The following NIPBL variants were observed in gnomAD, a reference collection of about 807,000 sequenced individuals.
The protein encoded by NIPBL is NIPBL cohesin loading factor.
Under a neutral mutation model 321.8 loss-of-function variants are expected in NIPBL, and 19 were observed. The ratio of observed to expected loss-of-function variants is 0.06; its 90% CI spans 0.04 to 0.09. The LOEUF (loss-of-function observed/expected upper bound fraction) is 0.09. NIPBL is among the 10% of genes least tolerant of loss of function. The probability of loss-of-function intolerance (pLI) is 1.00; values close to 1 mark genes in which losing one functional copy is unlikely to be tolerated. For missense variants in NIPBL, 2,210 were observed against 3,327.0 expected (o/e 0.66, Z 8.26); for synonymous variants, 1,106 against 1,114.1 (o/e 0.99, Z 0.14).
chr5:36,970,105 C>A (rs1056765121), intron 6 of NIPBL, among the ~76,000 whole-genome samples: 1 of 152,020 alleles, frequency 6.6e-6, no homozygotes, highest in African/African-American at 2.4e-5. Context: ...TGAATTTACA[C>A]CAGGCACAGT....
intron 1 of NIPBL, among the ~76,000 whole-genome samples, chr5:36,946,118 CA>C (rs1283830067): frequency 1.3e-5 from 2 of 151,914 alleles, no homozygotes; most frequent in South Asian, 2.1e-4. Context: ...GAAGGCTGAG[CA>C]AAGGGCAAGG....
intron 40 of NIPBL, chr5:37,051,405 G>T: frequency 9.4e-6 from 2 of 211,726 alleles, no homozygotes; most frequent in Non-Finnish European, 1.9e-5. Context: ...ATTACTGTTT[G>T]CCCTATATTA....
Position 37,052,236 on chromosome 5 carries a change from A to G in NIPBL, c.7063-130A>G, listed in dbSNP as rs530846371. 2.2e-5 allele frequency: 16 copies of G among 744,044 alleles called. No individual in the cohort carries two copies. The East Asian group carries it at 3.7e-4, about 17-fold the overall frequency. The allele number at this position is 744,044 out of a possible 1,614,324, so 46.1% of individuals were successfully genotyped here. A position where few individuals can be genotyped will look rare whatever the true frequency, so the allele number is the denominator to read the frequency against. ...TCTCTAATGTTCCTTCTAGCACTTC[A>G]TTCTGTGATTCGTATTATTTTAATT... On this transcript the variant is annotated intron_variant, in intron 41 of 46. Coordinates refer to ENST00000282516, the MANE Select transcript of NIPBL (RefSeq NM_133433.4).
chr5:36,961,515 G>C lies in NIPBL; in HGVS notation c.390G>C (p.Gln130His). ...TGATGTCTCAGTATAAACTTTCTCA[G>C]AATTCCATGCACAGTAGTCCTGCAT... ...GMMMSQYKLSQNSMHSSPASS... is the reference protein window; with the variant it reads ...GMMMSQYKLSHNSMHSSPASS... The change falls in exon 5 of 47, where the codon CAG becomes CAC. Residue 130 changes from glutamine to histidine, a missense_variant. Physicochemically the swap from Gln to His is conservative, Grantham distance 24. Transcript: ENST00000282516. 1 of 1,611,980 alleles carries C rather than the reference G, an allele frequency of 6.2e-7. No individual in the cohort carries two copies. The highest frequency in any genetic ancestry group is 8.5e-7 in the Non-Finnish European group (1 of 1,178,230).
At chr5:37,035,696 A>T (rs914189445) in intron 32 of NIPBL, among the ~76,000 whole-genome samples, 4 of 152,370 alleles carry the variant, frequency 2.6e-5, no homozygotes, top group African/African-American at 9.6e-5. Flanking sequence ...AGTTATATTT[A>T]ACAGCAGTGG....
intron 1 of NIPBL, among the ~76,000 whole-genome samples, chr5:36,927,795 G>C (rs1214556239): frequency 6.6e-6 from 1 of 152,100 alleles, no homozygotes; most frequent in Non-Finnish European, 1.5e-5. Flanking sequence ...AGAGGTCCAG[G>C]CTGGAGTCTT....
At chr5:37,035,557 A>G (rs1158173781) in intron 32 of NIPBL, among the ~76,000 whole-genome samples, 1 of 152,094 alleles carries the variant, frequency 6.6e-6, no homozygotes, top group Non-Finnish European at 1.5e-5. Context: ...CTTAATTTCA[A>G]TTTTTATTTT....
intron 8 of NIPBL, 60 bp from the exon 9 acceptor site, chr5:36,975,716 C>T: frequency 6.7e-7 from 1 of 1,492,406 alleles, no homozygotes; most frequent in Non-Finnish European, 9.3e-7. Flanking sequence ...ATATTTCTAT[C>T]ACATTGTAAG....
rs1221550988 is a variant in NIPBL at position 37,020,503 on chromosome 5, T to G, written c.5055T>G (p.Thr1685=). Residue 1685 remains threonine, a synonymous_variant, in exon 26 of 47, where the codon ACT becomes ACG. Transcript: ENST00000282516. The part of the protein sequence containing the change: ...FYIAQWFRDT[T]LETEKAMKSQ... ...TAGCCCAGTGGTTTCGAGACACAAC[T>G]CTGGAAACAGAAAAAGCAATGAAAT... 6.2e-7 allele frequency: 1 copy of G among 1,613,828 alleles called. No individual in the cohort carries two copies. Among genetic ancestry groups the G allele is most frequent in the Non-Finnish European group, 8.5e-7 (1 of 1,179,908 alleles).
At chr5:36,949,482 T>A (rs543566454) in intron 1 of NIPBL, among the ~76,000 whole-genome samples, 27 of 151,978 alleles carry the variant, frequency 1.8e-4, no homozygotes, top group African/African-American at 6.5e-4. Flanking sequence ...TATTAGCACC[T>A]CAGGTTCATA....
chr5:36,946,578 G>GTGTGTGTA (rs1554009094), intron 1 of NIPBL, among the ~76,000 whole-genome samples: 4 of 151,054 alleles, frequency 2.6e-5, no homozygotes, highest in Non-Finnish European at 5.9e-5. Flanking sequence ...ATGTGTCTGT[G>GTGTGTGTA]TGTGTGTATA....
At chr5:36,907,366 A>G (rs962604096) in intron 1 of NIPBL, among the ~76,000 whole-genome samples, 1 of 152,192 alleles carries the variant, frequency 6.6e-6, no homozygotes, top group African/African-American at 2.4e-5. Flanking sequence ...CCCCTGCAAG[A>G]CTGTAATACA....
At chr5:37,036,351 A>G (rs756531193) in intron 32 of NIPBL, 28 bp from the exon 33 acceptor site, 234 of 346,396 alleles carry the variant, frequency 6.8e-4, no homozygotes, top group East Asian at 1.6e-3. Context: ...ATATATGTAT[A>G]TATATATATA....
intron 1 of NIPBL, among the ~76,000 whole-genome samples, chr5:36,916,052 T>C (rs1345417967): frequency 6.6e-6 from 1 of 152,222 alleles, no homozygotes; most frequent in African/African-American, 2.4e-5. Flanking sequence ...AAATGAACTG[T>C]CTTTGTCATT....
intron 4 of NIPBL, among the ~76,000 whole-genome samples, chr5:36,960,148 G>A (rs554632711): frequency 2.0e-4 from 30 of 152,226 alleles, no homozygotes; most frequent in South Asian, 8.3e-4. Flanking sequence ...AGTCATGCAT[G>A]TGGAGAAAAT....
In NIPBL at chr5:36,890,652, G is replaced by A. The variant is rs192979897; in HGVS notation, c.-80+13474G>A. Reference sequence around the variant, plus strand: ...ACTGCTATTAGCCAAGTGGCATTTAGGCCAATTCTTAACCCAAGCCCATGT... The same window carrying A: ...ACTGCTATTAGCCAAGTGGCATTTAAGCCAATTCTTAACCCAAGCCCATGT... On this transcript the variant is annotated intron_variant, in intron 1 of 46. Coordinates refer to ENST00000282516, the MANE Select transcript of NIPBL (RefSeq NM_133433.4). 3.3e-5 allele frequency among the ~76,000 whole-genome samples: 5 copies of A among 152,286 alleles called. No individual in the cohort carries two copies. The East Asian group carries it at 9.6e-4, about 29-fold the overall frequency.
rs191922218 is a variant in NIPBL at position 37,059,282 on chromosome 5, A to C, written c.7685+117A>C. On this transcript the variant is annotated intron_variant, in intron 44 of 46. Coordinates refer to ENST00000282516, the MANE Select transcript of NIPBL (RefSeq NM_133433.4). ...AACATTTTGGGAGGCTGAGGCGGGC[A>C]GATCCCCTGAGGTCAGGAGTTCGAG... 3.4e-3 allele frequency: 3,559 copies of C among 1,040,480 alleles called. 93 individuals carry two copies. In the African/African-American group the frequency reaches 0.051, roughly 15 times the overall value. 64.5% of individuals were successfully genotyped at this position (1,040,480 alleles called of 1,614,324 possible).
chr5:37,020,934 T>A, intron 27 of NIPBL, 57 bp downstream of exon 27: 4 of 1,106,328 alleles, frequency 3.6e-6, no homozygotes, highest in Non-Finnish European at 4.2e-6. Flanking sequence ...TTCTGGATGC[T>A]TGTGAGCAGT....
chr5:36,947,697 T>C (rs1016670089), intron 1 of NIPBL, among the ~76,000 whole-genome samples: 2 of 151,976 alleles, frequency 1.3e-5, no homozygotes, highest in African/African-American at 4.8e-5. Flanking sequence ...TTTTATTTTA[T>C]CATAGTTTAT....
Sources: gnomAD v4.1 joint callset for allele counts (sites outside exome capture counted in the v4.1 genomes callset) on GRCh38, gnomAD v4.1.1 for gene constraint, MANE v1.5 for transcripts, NCBI Gene and HGNC (gene_info 2026-07-23, HGNC 2026-07-21) for gene names.